RPS6KC1: variants seen among roughly 807,000 people sequenced by gnomAD.
RPS6KC1 encodes the protein inactive ribosomal protein S6 kinase delta-1.
A neutral mutation model predicts 103.8 loss-of-function variants in RPS6KC1; 54 were observed. That is an observed-to-expected ratio of 0.52 (90% CI 0.42 to 0.65). The LOEUF is 0.65. Ranked by LOEUF, RPS6KC1 falls within the 30% of genes least tolerant of loss-of-function variation. The pLI is 0.00. For synonymous variants in RPS6KC1, 439 were observed against 438.7 expected (o/e 1.00, Z -0.01); for missense variants, 1,151 against 1,253.8 (o/e 0.92, Z 1.24).
chr1:213,218,284 A>G (rs908834462), intron 8 of RPS6KC1, among the ~76,000 whole-genome samples: 58 of 152,136 alleles, frequency 3.8e-4, no homozygotes, highest in South Asian at 1.0e-3. Flanking sequence ...CTTCAAAGAG[A>G]TTAAAATACC....
the RPS6KC1 span, among the ~76,000 whole-genome samples, chr1:213,373,172 A>G: frequency 6.6e-6 from 1 of 152,220 alleles, no homozygotes; most frequent in African/African-American, 2.4e-5. Context: ...GAGGGGTAGC[A>G]TGCCCATTTT....
At chr1:213,437,979 A>C in the RPS6KC1 span, among the ~76,000 whole-genome samples, 1 of 151,734 alleles carries the variant, frequency 6.6e-6, no homozygotes, top group African/African-American at 2.4e-5. Flanking sequence ...GTTATTTATA[A>C]ATTTATTTCA....
chr1:213,200,922 G>C (rs1399432704), intron 8 of RPS6KC1, among the ~76,000 whole-genome samples: 1 of 152,122 alleles, frequency 6.6e-6, no homozygotes, highest in Non-Finnish European at 1.5e-5. Context: ...TAAATGATGA[G>C]AACACTCAGA....
the RPS6KC1 span, among the ~76,000 whole-genome samples, chr1:213,508,680 A>G: frequency 6.6e-6 from 1 of 152,178 alleles, no homozygotes; most frequent in East Asian, 1.9e-4. Context: ...CCAGGAAGAC[A>G]ATATTTTAAG....
At chr1:213,782,063 A>G in the RPS6KC1 span, among the ~76,000 whole-genome samples, 1 of 152,146 alleles carries the variant, frequency 6.6e-6, no homozygotes, top group South Asian at 2.1e-4. Flanking sequence ...AACTGGGTAT[A>G]TCAAACATGA....
rs1489166451 is a variant in RPS6KC1, at chr1:213,129,898, T to C, written c.835+9T>C. 16 of 1,564,034 alleles carry C rather than the reference T, an allele frequency of 1.0e-5. No homozygotes were observed. The South Asian group carries it at 1.9e-4, about 19-fold the overall frequency. ...CCTAGAAGGTGTTCAAGGTATGGTT[T>C]TATGTATATTATGTTTTGGCATGCT... On this transcript the variant is annotated intron_variant, in intron 6 of 14. Coordinates refer to ENST00000366960, the MANE Select transcript of RPS6KC1 (RefSeq NM_012424.6).
chr1:213,799,496 T>G, the RPS6KC1 span, among the ~76,000 whole-genome samples: 1 of 152,138 alleles, frequency 6.6e-6, no homozygotes, highest in South Asian at 2.1e-4. Context: ...TAAACTATAT[T>G]TGATGAATGT....
chr1:213,262,432 G>A (rs777905854), intron 13 of RPS6KC1, among the ~76,000 whole-genome samples: 12 of 152,170 alleles, frequency 7.9e-5, no homozygotes, highest in Non-Finnish European at 1.6e-4. Context: ...TTAGTTTTGC[G>A]TATAATTTAA....
At chr1:213,731,941 G>T in the RPS6KC1 span, among the ~76,000 whole-genome samples, 1 of 147,780 alleles carries the variant, frequency 6.8e-6, no homozygotes, top group African/African-American at 2.4e-5. Context: ...AGAAAAACAA[G>T]TTACAAAATA....
chr1:213,206,870 T>C (rs962767421), intron 8 of RPS6KC1, among the ~76,000 whole-genome samples: 1 of 152,198 alleles, frequency 6.6e-6, no homozygotes, highest in African/African-American at 2.4e-5. Context: ...CCCAGCACTT[T>C]GGGAGGCCAA....
At chr1:213,686,755 G>T in the RPS6KC1 span, among the ~76,000 whole-genome samples, 4 of 152,162 alleles carry the variant, frequency 2.6e-5, no homozygotes, top group South Asian at 8.3e-4. Flanking sequence ...GTGAAAGCAG[G>T]TTTATTAAGG....
At chr1:213,561,269 A>T in the RPS6KC1 span, among the ~76,000 whole-genome samples, 2 of 152,164 alleles carry the variant, frequency 1.3e-5, no homozygotes, top group African/African-American at 4.8e-5. Context: ...TATACCACAG[A>T]TATACTGTAA....
At chr1:213,462,567 T>C in the RPS6KC1 span, among the ~76,000 whole-genome samples, 1 of 152,178 alleles carries the variant, frequency 6.6e-6, no homozygotes, top group Non-Finnish European at 1.5e-5. Context: ...TGGAATACTA[T>C]GCAGCCATAA....
At chr1:213,320,196 C>G in the RPS6KC1 span, among the ~76,000 whole-genome samples, 1 of 152,254 alleles carries the variant, frequency 6.6e-6, no homozygotes, top group Admixed American at 6.5e-5. Context: ...TTGCCCACAA[C>G]TCAATGCCTT....
chr1:213,291,139 C>T, the RPS6KC1 span, among the ~76,000 whole-genome samples: 2 of 152,232 alleles, frequency 1.3e-5, no homozygotes, highest in African/African-American at 4.8e-5. Context: ...CCAGTATACA[C>T]TGAAAAGGTA....
intron 10 of RPS6KC1, among the ~76,000 whole-genome samples, chr1:213,233,606 C>T (rs184100071): frequency 6.6e-6 from 1 of 152,124 alleles, no homozygotes; most frequent in African/African-American, 2.4e-5. Flanking sequence ...CCTCTTCTTC[C>T]TCTTCCTTCT....
At chr1:213,195,285 G>A (rs1573178802) in intron 8 of RPS6KC1, among the ~76,000 whole-genome samples, 1 of 152,152 alleles carries the variant, frequency 6.6e-6, no homozygotes, top group Non-Finnish European at 1.5e-5. Context: ...CATAATACCA[G>A]TGTCAATTTT....
chr1:213,262,848 C>A, intron 14 of RPS6KC1, 32 bp downstream of exon 14: 1 of 1,302,350 alleles, frequency 7.7e-7, no homozygotes, highest in Non-Finnish European at 1.1e-6. Context: ...CCAGGTTTAT[C>A]AACCATGCAG....
the RPS6KC1 span, among the ~76,000 whole-genome samples, chr1:213,726,130 GC>G: frequency 6.6e-6 from 1 of 152,038 alleles, no homozygotes; most frequent in Non-Finnish European, 1.5e-5. Context: ...TGTCACCCAG[GC>G]TGGAGTACAG....
Sources: allele counts gnomAD v4.1 joint callset (sites outside exome capture counted in the v4.1 genomes callset), GRCh38; gene constraint gnomAD v4.1.1; transcripts MANE v1.5; gene names NCBI Gene and HGNC (gene_info 2026-07-23, HGNC 2026-07-21).